The following OSBPL9 variants were observed in gnomAD, a reference collection of about 807,000 sequenced individuals.
OSBPL9 encodes the protein oxysterol binding protein like 9.
Under a neutral mutation model 106.6 loss-of-function variants are expected in OSBPL9, and 40 were observed. That is an observed-to-expected ratio of 0.38 (90% CI 0.29 to 0.49). The LOEUF is 0.49. Among genes scored for constraint, OSBPL9 ranks in the 20% least tolerant of loss-of-function variants. OSBPL9 has a pLI of 0.97. For missense variants in OSBPL9, 609 were observed against 887.2 expected (o/e 0.69, Z 3.98); for synonymous variants, 269 against 295.4 (o/e 0.91, Z 0.92).
intron 3 of OSBPL9, among the ~76,000 whole-genome samples, chr1:51,701,298 A>G (rs1214388279): frequency 6.6e-6 from 1 of 152,088 alleles, no homozygotes; most frequent in East Asian, 1.9e-4. Flanking sequence ...TACTTATTCA[A>G]TTATTTTATA....
intron 3 of OSBPL9, among the ~76,000 whole-genome samples, chr1:51,678,329 G>T (rs1651769487): frequency 1.3e-5 from 2 of 152,124 alleles, no homozygotes; most frequent in Non-Finnish European, 2.9e-5. Context: ...GTTATCTATG[G>T]TTGGTTTCAC....
At chr1:51,588,708 A>G (rs1486514188) in intron 1 of OSBPL9, among the ~76,000 whole-genome samples, 1 of 152,204 alleles carries the variant, frequency 6.6e-6, no homozygotes, top group African/African-American at 2.4e-5. Flanking sequence ...TCAATAAGAT[A>G]AAATTCAGAC....
chr1:51,530,196 A>AC, the OSBPL9 span, among the ~76,000 whole-genome samples: 1 of 137,172 alleles, frequency 7.3e-6, no homozygotes, highest in Non-Finnish European at 1.6e-5. Flanking sequence ...AAAAAAACAA[A>AC]AAAAAAAAAC....
intron 15 of OSBPL9, among the ~76,000 whole-genome samples, chr1:51,779,661 A>G (rs1447313496): frequency 6.6e-6 from 1 of 152,236 alleles, no homozygotes; most frequent in African/African-American, 2.4e-5. Flanking sequence ...ACTAATATCC[A>G]GAATCTACAA....
At position 51,756,323 on chromosome 1, in the gene OSBPL9, C is replaced by T. The variant is rs201516553; in HGVS notation, c.547C>T (p.Gln183Ter). Residue 183 changes from glutamine (Q) to a stop codon, truncating the protein, a stop_gained, in exon 9 of 24, where the codon CAG (glutamine) becomes TAG (stop). Transcript: ENST00000428468. LOFTEE classifies it high-confidence loss of function. ...ATTTTTAACATTTTTCCTTAAGGACCAGAGTAATGCGGAGAAGCACGCAGA... is the reference window on the plus strand; with the variant it reads ...ATTTTTAACATTTTTCCTTAAGGACTAGAGTAATGCGGAGAAGCACGCAGA... ...CIVLLQIAKDQSNAEKHADGM... is the reference protein window; with the variant it reads ...CIVLLQIAKD The T allele has an allele frequency of 3.6e-5, 58 of 1,612,300 alleles. No homozygotes were observed. The highest frequency in any genetic ancestry group is 4.7e-5 in the Non-Finnish European group (55 of 1,178,828).
chr1:51,780,245 G>A (rs1407177251), intron 15 of OSBPL9, among the ~76,000 whole-genome samples: 1 of 151,864 alleles, frequency 6.6e-6, no homozygotes, highest in Non-Finnish European at 1.5e-5. Flanking sequence ...ATGGTGGAAA[G>A]GGAACACTTT....
At chr1:51,525,863 C>T in the OSBPL9 span, among the ~76,000 whole-genome samples, 2 of 151,886 alleles carry the variant, frequency 1.3e-5, no homozygotes, top group Non-Finnish European at 2.9e-5. Context: ...GATCCTCTTG[C>T]CTCAGCCTGA....
At chr1:51,730,219 G>C (rs1182282317) in intron 4 of OSBPL9, 1 of 1,165,310 alleles carries the variant, frequency 8.6e-7, no homozygotes, top group Non-Finnish European at 1.1e-6. Context: ...AGGGCCTCCA[G>C]TTCCACCGAG....
At chr1:51,649,804 A>T (rs1646402298) in intron 1 of OSBPL9, among the ~76,000 whole-genome samples, 1 of 141,636 alleles carries the variant, frequency 7.1e-6, no homozygotes, top group Non-Finnish European at 1.5e-5. Context: ...AATGTCACAC[A>T]TTCTGGATTT....
chr1:51,675,363 T>G (rs947352800), intron 3 of OSBPL9, among the ~76,000 whole-genome samples: 12 of 151,906 alleles, frequency 7.9e-5, no homozygotes, highest in Middle Eastern at 3.4e-3. Flanking sequence ...ATTAATTAAT[T>G]AATTAATTTA....
the OSBPL9 span, chr1:51,566,048 C>G: frequency 1.3e-5 from 2 of 152,158 alleles, no homozygotes; most frequent in South Asian, 2.1e-4. Flanking sequence ...AGGTTCAAAT[C>G]TTGGTTCTAA....
At chr1:51,696,474 G>A (rs548173266) in intron 3 of OSBPL9, among the ~76,000 whole-genome samples, 54 of 152,258 alleles carry the variant, frequency 3.5e-4, no homozygotes, top group African/African-American at 1.3e-3. Context: ...CACATCTCCA[G>A]CTTAAATCAC....
At chr1:51,695,708 CGTTGTG>C (rs1389136461) in intron 3 of OSBPL9, among the ~76,000 whole-genome samples, 3 of 152,010 alleles carry the variant, frequency 2.0e-5, no homozygotes, top group Non-Finnish European at 4.4e-5. Flanking sequence ...GGTGCTATGT[CGTTGTG>C]AAATACTAAA....
In OSBPL9 at chr1:51,786,584, A is replaced by G. The variant is rs141360356; in HGVS notation, c.1967A>G (p.Lys656Arg). 1.2e-6 allele frequency: 2 copies of G among 1,612,766 alleles called. No individual in the cohort carries two copies. The highest frequency in any genetic ancestry group is 1.7e-6 in the Non-Finnish European group (2 of 1,178,992). ...CCTATAATCAAGAAGAAAGTGAGGA[A>G]GTTGGAAGATCAGAACGAGTATGAA... Reference protein sequence around the residue: ...KLPIIKKKVRKLEDQNEYESR... With the variant: ...KLPIIKKKVRRLEDQNEYESR... The change falls in exon 22 of 24, where the codon AAG becomes AGG. Residue 656 changes from lysine (K) to arginine (R), a missense_variant. Lys to Arg is a conservative substitution (Grantham distance 26). Transcript: ENST00000428468.
intron 2 of OSBPL9, among the ~76,000 whole-genome samples, chr1:51,607,260 C>G (rs957757533): frequency 6.8e-6 from 1 of 147,972 alleles, no homozygotes. Context: ...CTCCTGGATT[C>G]AAGTGATTCT....
At chr1:51,759,466 T>C (rs191716579) in intron 9 of OSBPL9, 5 of 152,178 alleles carry the variant, frequency 3.3e-5, no homozygotes, top group African/African-American at 1.2e-4. Flanking sequence ...TTACAACTGC[T>C]TTTTTGGGCT....
At chr1:51,680,739 C>G (rs75991153) in intron 3 of OSBPL9, among the ~76,000 whole-genome samples, 1,815 of 152,228 alleles carry the variant, frequency 0.012, 38 homozygotes, top group African/African-American at 0.042. Flanking sequence ...AGCCACTCAT[C>G]TGTATTGTAC....
intron 4 of OSBPL9, among the ~76,000 whole-genome samples, chr1:51,721,926 A>AT (rs976021776): frequency 2.0e-5 from 3 of 152,212 alleles, no homozygotes; most frequent in Admixed American, 2.0e-4. Flanking sequence ...TTTGGTAAAT[A>AT]TTTTTTAAGC....
upstream of OSBPL9, chr1:51,577,044 G>A (rs147798939): frequency 1.3e-5 from 2 of 152,276 alleles, no homozygotes; most frequent in Non-Finnish European, 2.9e-5. Context: ...TCCTCTTGGT[G>A]ATCAGTGAGC....
Sources: allele counts gnomAD v4.1 joint callset (sites outside exome capture counted in the v4.1 genomes callset), GRCh38; gene constraint gnomAD v4.1.1; transcripts MANE v1.5; gene names NCBI Gene and HGNC (gene_info 2026-07-23, HGNC 2026-07-21).